The following ARHGAP24 variants were observed in gnomAD, a reference collection of about 807,000 sequenced individuals.
ARHGAP24 encodes the protein rho GTPase-activating protein 24.
A neutral mutation model predicts 76.4 loss-of-function variants in ARHGAP24; 50 were observed. The ratio of observed to expected loss-of-function variants is 0.65; its 90% CI spans 0.52 to 0.83. The LOEUF is 0.83. Among genes scored for constraint, ARHGAP24 ranks in the 40% least tolerant of loss-of-function variants. The probability of loss-of-function intolerance (pLI) is 0.00; values close to 1 mark genes in which losing one functional copy is unlikely to be tolerated. For synonymous variants in ARHGAP24, 345 were observed against 323.3 expected (o/e 1.07, Z -0.72); for missense variants, 930 against 914.2 (o/e 1.02, Z -0.22).
chr4:85,665,289 G>T lies in ARHGAP24; in HGVS notation c.181-56596G>T, dbSNP rs566314156. ...TGTAATGGCCTTCTTTGTCTCTTTT[G>T]ATCTTTGTTGGTTTAAAGTCTGTTT... is the stretch of plus-strand genomic sequence containing the variant. On this transcript the variant is annotated intron_variant, in intron 2 of 9. Transcript: ENST00000395184. Among the ~76,000 whole-genome samples the T allele has an allele frequency of 3.3e-4, 50 of 151,990 alleles. No individual in the cohort carries two copies. The East Asian group carries it at 5.0e-3, about 15-fold the overall frequency.
intron 3 of ARHGAP24, among the ~76,000 whole-genome samples, chr4:85,885,851 G>A (rs978501327): frequency 6.6e-6 from 1 of 152,004 alleles, no homozygotes; most frequent in African/African-American, 2.4e-5. Flanking sequence ...TATGTTGGTT[G>A]ATACTTTATT....
chr4:85,809,312 T>A (rs898028088), intron 3 of ARHGAP24, among the ~76,000 whole-genome samples: 1 of 152,106 alleles, frequency 6.6e-6, no homozygotes, highest in Non-Finnish European at 1.5e-5. Context: ...TTTAAATAGA[T>A]GGAGAATAAA....
intron 5 of ARHGAP24, among the ~76,000 whole-genome samples, chr4:85,950,205 A>T (rs1737529790): frequency 1.3e-5 from 2 of 152,142 alleles, no homozygotes; most frequent in South Asian, 2.1e-4. Flanking sequence ...AAAGAAGGCC[A>T]CTGGGGGCAA....
At chr4:85,721,059 CA>C (rs1481053929) in intron 2 of ARHGAP24, among the ~76,000 whole-genome samples, 4 of 152,014 alleles carry the variant, frequency 2.6e-5, no homozygotes, top group Admixed American at 1.3e-4. Context: ...AAGTATATCT[CA>C]GCACTGAATG....
chr4:85,626,614 T>C (rs1019449925), intron 2 of ARHGAP24, among the ~76,000 whole-genome samples: 18 of 152,224 alleles, frequency 1.2e-4, no homozygotes, highest in African/African-American at 3.9e-4. Context: ...TGAATCTGAA[T>C]GTTGGCCTGC....
At chr4:85,505,912 G>A (rs1724026807) in intron 1 of ARHGAP24, among the ~76,000 whole-genome samples, 4 of 152,018 alleles carry the variant, frequency 2.6e-5, no homozygotes, top group Admixed American at 2.6e-4. Context: ...TTTTGGTGTA[G>A]ATGTACTTTT....
chr4:85,887,927 T>C (rs1041859575), intron 3 of ARHGAP24, among the ~76,000 whole-genome samples: 5 of 152,198 alleles, frequency 3.3e-5, no homozygotes, highest in Admixed American at 1.3e-4. Context: ...ATTTATGTTG[T>C]TGACAAATAT....
At chr4:85,831,259 A>G (rs1024774858) in intron 3 of ARHGAP24, among the ~76,000 whole-genome samples, 2 of 152,178 alleles carry the variant, frequency 1.3e-5, no homozygotes, top group Non-Finnish European at 1.5e-5. Flanking sequence ...TCTTTTCAAT[A>G]CGTAATTCAA....
chr4:85,849,270 A>G (rs1275868731), intron 3 of ARHGAP24, among the ~76,000 whole-genome samples: 1 of 150,264 alleles, frequency 6.7e-6, no homozygotes, highest in East Asian at 2.0e-4. Context: ...GTGTATAAGA[A>G]TGCTTGTGAT....
intron 1 of ARHGAP24, among the ~76,000 whole-genome samples, chr4:85,488,052 G>A (rs1023667842): frequency 3.3e-5 from 5 of 150,242 alleles, no homozygotes; most frequent in Admixed American, 2.0e-4. Context: ...GACTACAGGC[G>A]CCGGCCACCA....
chr4:85,547,765 C>A (rs1428642314), intron 1 of ARHGAP24, among the ~76,000 whole-genome samples: 1 of 152,088 alleles, frequency 6.6e-6, no homozygotes, highest in Non-Finnish European at 1.5e-5. Context: ...ACTGTGTCTG[C>A]CAGGTTTCTC....
chr4:85,950,676 C>A (rs938370239), intron 5 of ARHGAP24, among the ~76,000 whole-genome samples: 14 of 104,584 alleles, frequency 1.3e-4, no homozygotes, highest in African/African-American at 5.1e-4. Flanking sequence ...CTTCTTTTTT[C>A]TTTTTTCTTT....
At chr4:85,859,212 T>TACAGAC in intron 3 of ARHGAP24, among the ~76,000 whole-genome samples, 1 of 145,540 alleles carries the variant, frequency 6.9e-6, no homozygotes, top group South Asian at 2.2e-4. Flanking sequence ...GCCACATGCA[T>TACAGAC]ACACACACAC....
At chr4:85,529,422 T>C (rs1368555773) in intron 1 of ARHGAP24, among the ~76,000 whole-genome samples, 2 of 152,068 alleles carry the variant, frequency 1.3e-5, no homozygotes, top group Non-Finnish European at 2.9e-5. Flanking sequence ...GAATAAAATA[T>C]TGCTGAAACC....
intron 5 of ARHGAP24, among the ~76,000 whole-genome samples, chr4:85,969,812 A>T (rs1738853695): frequency 2.6e-5 from 4 of 152,220 alleles, no homozygotes; most frequent in Admixed American, 2.6e-4. Flanking sequence ...TTTTCAAACA[A>T]TTTTTTGGAA....
chr4:85,950,462 T>A (rs1216186446), intron 5 of ARHGAP24, among the ~76,000 whole-genome samples: 1 of 151,918 alleles, frequency 6.6e-6, no homozygotes, highest in East Asian at 1.9e-4. Context: ...ATCATACTGC[T>A]GGCACTTCAG....
At chr4:85,778,507 T>C (rs568532373) in intron 3 of ARHGAP24, among the ~76,000 whole-genome samples, 2 of 152,328 alleles carry the variant, frequency 1.3e-5, no homozygotes, top group East Asian at 3.9e-4. Context: ...ACAAATCATA[T>C]TTTTCTCTGG....
chr4:85,576,463 AT>A (rs1727383350), intron 2 of ARHGAP24, among the ~76,000 whole-genome samples: 1 of 152,022 alleles, frequency 6.6e-6, no homozygotes, highest in African/African-American at 2.4e-5. Flanking sequence ...AATTTTATAT[AT>A]TTAATGAAAC....
chr4:85,702,350 G>T (rs1724126284), intron 2 of ARHGAP24, among the ~76,000 whole-genome samples: 1 of 152,146 alleles, frequency 6.6e-6, no homozygotes, highest in Admixed American at 6.5e-5. Flanking sequence ...TATTTATACA[G>T]ATGCAACTTT....
Sources: gnomAD v4.1 joint callset for allele counts (sites outside exome capture counted in the v4.1 genomes callset) on GRCh38, gnomAD v4.1.1 for gene constraint, MANE v1.5 for transcripts, NCBI Gene and HGNC (gene_info 2026-07-23, HGNC 2026-07-21) for gene names.